MAGI1: variants seen among roughly 807,000 people sequenced by gnomAD.
MAGI1 encodes membrane associated guanylate kinase, WW and PDZ domain containing 1, also known as membrane-associated guanylate kinase, WW and PDZ domain-containing protein 1.
A neutral mutation model predicts 139.9 loss-of-function variants in MAGI1; 58 were observed. That is an observed-to-expected ratio of 0.41 (90% CI 0.34 to 0.52). The LOEUF is 0.52. Among genes scored for constraint, MAGI1 ranks in the 20% least tolerant of loss-of-function variants. MAGI1 has a pLI of 0.12. For synonymous variants in MAGI1, 812 were observed against 737.9 expected (o/e 1.10, Z -1.63); for missense variants, 1,874 against 1,901.6 (o/e 0.99, Z 0.27).
intron 3 of MAGI1, among the ~76,000 whole-genome samples, chr3:65,486,739 T>G (rs930424785): frequency 1.3e-5 from 2 of 152,174 alleles, no homozygotes; most frequent in South Asian, 4.1e-4. Context: ...ATAATCAGAT[T>G]CTTTACATCG....
Position 65,356,759 on chromosome 3 carries a change from A to C in MAGI1, c.4008T>G (p.Thr1336=). ...RREGTRSADN[T]LERREKHEKR... is the part of the protein sequence containing the mutation. Reference sequence around the variant, plus strand: ...TCTCGTGCTTCTCCCTCCTCTCCAAAGTGTTGTCGGCGCTGCGGGTGCCCT... The same window carrying C: ...TCTCGTGCTTCTCCCTCCTCTCCAACGTGTTGTCGGCGCTGCGGGTGCCCT... The change falls in exon 23 of 23, where the codon ACT becomes ACG. Residue 1336 remains threonine, a synonymous_variant. Transcript: ENST00000402939. 6.2e-7 allele frequency: 1 copy of C among 1,601,906 alleles called. No individual in the cohort carries two copies. The highest frequency in any genetic ancestry group is 1.1e-5 in the South Asian group (1 of 88,802).
chr3:65,632,671 T>C (rs1421125452), intron 1 of MAGI1, among the ~76,000 whole-genome samples: 1 of 152,218 alleles, frequency 6.6e-6, no homozygotes, highest in Non-Finnish European at 1.5e-5. Context: ...ATGAACTCTA[T>C]CCAACTGCTC....
In MAGI1 at chr3:65,990,356, C is replaced by T. The variant is rs1025105812; in HGVS notation, c.313+47640G>A. Among the ~76,000 whole-genome samples the T allele has an allele frequency of 3.3e-5, 5 of 152,170 alleles. No individual in the cohort carries two copies. In the East Asian group the frequency reaches 9.6e-4, roughly 29 times the overall value. On this transcript the variant is annotated intron_variant, in intron 1 of 22. Transcript: ENST00000402939. ...GAGGGAAGACCAACATCTAAATCAA[C>T]CGCTCAGGCTTGTTCCCTAACGGAA...
chr3:65,876,192 CAT>C (rs2060109923), intron 1 of MAGI1, among the ~76,000 whole-genome samples: 1 of 151,730 alleles, frequency 6.6e-6, no homozygotes, highest in African/African-American at 2.4e-5. Context: ...TACAGTGGCA[CAT>C]GTCTGTGGTC....
intron 1 of MAGI1, among the ~76,000 whole-genome samples, chr3:65,810,797 C>G (rs1324406670): frequency 6.6e-6 from 1 of 152,222 alleles, no homozygotes; most frequent in Non-Finnish European, 1.5e-5. Flanking sequence ...TAGGTCCCTT[C>G]ATGGTGCACA....
chr3:65,877,737 T>C (rs913330780), intron 1 of MAGI1, among the ~76,000 whole-genome samples: 5 of 152,166 alleles, frequency 3.3e-5, no homozygotes. Flanking sequence ...TGTATTTTTG[T>C]AGAGACAAAC....
At chr3:65,891,513 T>C (rs569535182) in intron 1 of MAGI1, among the ~76,000 whole-genome samples, 1 of 151,844 alleles carries the variant, frequency 6.6e-6, no homozygotes, top group Non-Finnish European at 1.5e-5. Flanking sequence ...AAATGTTAGA[T>C]TAAGGGACAG....
At chr3:65,550,124 T>C (rs2079749916) in intron 2 of MAGI1, among the ~76,000 whole-genome samples, 1 of 152,128 alleles carries the variant, frequency 6.6e-6, no homozygotes, top group Admixed American at 6.5e-5. Context: ...GCTACCCACA[T>C]TAGCTCTGCA....
intron 2 of MAGI1, among the ~76,000 whole-genome samples, chr3:65,513,419 G>A (rs1332521252): frequency 3.5e-4 from 27 of 77,496 alleles, no homozygotes; most frequent in African/African-American, 1.3e-3. Context: ...CATCATCTCA[G>A]CCCAAAATCT....
chr3:65,664,548 T>G (rs556400592), intron 1 of MAGI1, among the ~76,000 whole-genome samples: 2 of 152,340 alleles, frequency 1.3e-5, no homozygotes, highest in African/African-American at 4.8e-5. Flanking sequence ...ACCACACCAG[T>G]GGTTTCTCAT....
At chr3:65,777,604 T>G (rs1301960574) in intron 1 of MAGI1, among the ~76,000 whole-genome samples, 3 of 136,048 alleles carry the variant, frequency 2.2e-5, no homozygotes, top group African/African-American at 8.4e-5. Context: ...GTTGTGCCAC[T>G]GCACTCCAGC....
At chr3:65,526,275 A>C (rs977838935) in intron 2 of MAGI1, among the ~76,000 whole-genome samples, 1 of 152,156 alleles carries the variant, frequency 6.6e-6, no homozygotes, top group African/African-American at 2.4e-5. Flanking sequence ...GACTGCTCAA[A>C]TTAAGGTAAC....
chr3:65,633,445 A>G (rs2084426088), intron 1 of MAGI1, among the ~76,000 whole-genome samples: 1 of 152,222 alleles, frequency 6.6e-6, no homozygotes, highest in South Asian at 2.1e-4. Flanking sequence ...ATGAAGCTCA[A>G]GAAGCTACTA....
intron 1 of MAGI1, among the ~76,000 whole-genome samples, chr3:65,779,919 G>GA (rs928537795): frequency 2.7e-5 from 4 of 146,722 alleles, no homozygotes; most frequent in Admixed American, 6.9e-5. Context: ...CACTAACAAA[G>GA]AAAAAAAAAT....
intron 1 of MAGI1, 40 bp from the exon 2 acceptor site, chr3:65,622,128 A>G (rs59095537): frequency 0.021 from 28,155 of 1,371,300 alleles, 441 homozygotes; most frequent in Middle Eastern, 0.063. Context: ...ACATCAACAC[A>G]GGGCCTCCTA....
intron 1 of MAGI1, among the ~76,000 whole-genome samples, chr3:65,928,411 T>C (rs1444049973): frequency 6.6e-6 from 1 of 152,124 alleles, no homozygotes; most frequent in East Asian, 1.9e-4. Context: ...TTAAAGAAAG[T>C]TTTTCAGATA....
chr3:65,365,814 T>A (rs1941368475), intron 18 of MAGI1, among the ~76,000 whole-genome samples: 1 of 152,190 alleles, frequency 6.6e-6, no homozygotes, highest in African/African-American at 2.4e-5. Flanking sequence ...ACTGAATACA[T>A]GTATCTTCCC....
chr3:66,004,279 G>C (rs1165750743), intron 1 of MAGI1, among the ~76,000 whole-genome samples: 1 of 152,206 alleles, frequency 6.6e-6, no homozygotes, highest in Admixed American at 6.5e-5. Context: ...TGACTCCACA[G>C]TGTCTGGGGC....
chr3:65,762,059 G>C (rs1357068502), intron 1 of MAGI1, among the ~76,000 whole-genome samples: 1 of 152,016 alleles, frequency 6.6e-6, no homozygotes, highest in African/African-American at 2.4e-5. Context: ...GGTGGGGGTG[G>C]GAACTGCCTC....
Sources: allele counts gnomAD v4.1 joint callset (sites outside exome capture counted in the v4.1 genomes callset), GRCh38; gene constraint gnomAD v4.1.1; transcripts MANE v1.5; gene names NCBI Gene and HGNC (gene_info 2026-07-23, HGNC 2026-07-21).